The following CHPT1 variants were observed in gnomAD, a reference collection of about 807,000 sequenced individuals.
CHPT1 encodes cholinephosphotransferase 1.
CHPT1 carries 36 observed loss-of-function variants against 47.6 expected under a neutral mutation model. The observed-to-expected ratio is 0.76, with a 90% CI of 0.58 to 1.00. The LOEUF (loss-of-function observed/expected upper bound fraction) is 1.00. CHPT1 is among the 50% of genes least tolerant of loss of function. CHPT1 has a pLI of 0.00. For missense variants in CHPT1, 458 were observed against 498.1 expected (o/e 0.92, Z 0.77); for synonymous variants, 194 against 186.3 (o/e 1.04, Z -0.33).
chr12:101,724,982 G>A (rs1951918056), intron 7 of CHPT1, among the ~76,000 whole-genome samples: 1 of 151,924 alleles, frequency 6.6e-6, no homozygotes, highest in Non-Finnish European at 1.5e-5. Context: ...CCCACTGGTT[G>A]TCACCAAATT....
chr12:101,707,848 C>T (rs7980436), intron 1 of CHPT1, among the ~76,000 whole-genome samples: 20,996 of 152,102 alleles, frequency 0.14, 1,829 homozygotes, highest in African/African-American at 0.25. Flanking sequence ...TCTCTCACCT[C>T]AATCTTTCTC....
intron 1 of CHPT1, among the ~76,000 whole-genome samples, chr12:101,712,846 C>A (rs1049890795): frequency 6.7e-6 from 1 of 148,604 alleles, no homozygotes; most frequent in African/African-American, 2.4e-5. Flanking sequence ...TCTGCTAATT[C>A]TATTACTTCT....
chr12:101,702,652 T>TA (rs1951570876), intron 1 of CHPT1, among the ~76,000 whole-genome samples: 1 of 152,036 alleles, frequency 6.6e-6, no homozygotes, highest in Non-Finnish European at 1.5e-5. Flanking sequence ...GACTTTTTTT[T>TA]ATAGGTTTGA....
At chr12:101,699,817 G>C (rs902060512) in intron 1 of CHPT1, among the ~76,000 whole-genome samples, 2 of 152,208 alleles carry the variant, frequency 1.3e-5, no homozygotes, top group African/African-American at 4.8e-5. Context: ...ATTTACCAGA[G>C]GGAGTGTGTT....
chr12:101,717,282 G>A (rs1204312408), intron 4 of CHPT1: 1 of 454,908 alleles, frequency 2.2e-6, no homozygotes. Flanking sequence ...CTGCCTGCTT[G>A]GTGACCTCAG....
intron 1 of CHPT1, among the ~76,000 whole-genome samples, chr12:101,708,574 T>G (rs981978667): frequency 6.6e-6 from 1 of 152,154 alleles, no homozygotes; most frequent in Admixed American, 6.5e-5. Context: ...ACAGTAGATA[T>G]TATGAAAACT....
At chr12:101,699,630 C>T (rs543328170) in intron 1 of CHPT1, among the ~76,000 whole-genome samples, 4 of 152,246 alleles carry the variant, frequency 2.6e-5, no homozygotes, top group African/African-American at 4.8e-5. Context: ...TCAAGTGATC[C>T]GCCTGCCTCG....
In CHPT1 at chr12:101,697,893, C is replaced by A. The variant is rs751187599; in HGVS notation, c.32C>A (p.Pro11Gln). ...GCAGGCGCCGGGGCCGGGTCCGCGC[C>A]GCGCTGGCTGAGGGCGCTGAGCGAG... MAAGAGAGSA[P>Q]RWLRALSEPL... The change falls in exon 1 of 9, where the codon CCG (proline) becomes CAG (glutamine). Residue 11 changes from proline to glutamine, a missense_variant. Coordinates refer to ENST00000229266, the MANE Select transcript of CHPT1 (RefSeq NM_020244.3). The A allele has an allele frequency of 6.8e-5, 86 of 1,258,418 alleles. No individual in the cohort carries two copies. The African/African-American group carries it at 1.2e-3, about 18-fold the overall frequency. The allele number at this position is 1,258,418 out of a possible 1,614,324, so 78.0% of individuals were successfully genotyped here.
At chr12:101,709,892 C>T (rs1014945639) in intron 1 of CHPT1, among the ~76,000 whole-genome samples, 2 of 148,648 alleles carry the variant, frequency 1.3e-5, no homozygotes, top group African/African-American at 2.4e-5. Context: ...AAGGGCAAGT[C>T]GGAAGACCCG....
At chr12:101,714,001 G>A (rs949432158) in intron 1 of CHPT1, 89 bp from the exon 2 acceptor site, 4 of 735,736 alleles carry the variant, frequency 5.4e-6, no homozygotes, top group Non-Finnish European at 6.7e-6. Flanking sequence ...AACACACGGG[G>A]TGCTACAAAG....
intron 1 of CHPT1, among the ~76,000 whole-genome samples, chr12:101,698,809 A>C (rs1184871670): frequency 1.3e-5 from 2 of 152,194 alleles, no homozygotes; most frequent in East Asian, 3.9e-4. Context: ...ATAAGGAGTA[A>C]ATATAGGCTT....
In CHPT1 at chr12:101,714,194, T is replaced by C. The variant is rs1233053108; in HGVS notation, c.378T>C (p.Pro126=). The C allele has an allele frequency of 6.2e-7, 1 of 1,611,852 alleles. No individual in the cohort carries two copies. Among genetic ancestry groups the C allele is most frequent in the Non-Finnish European group, 8.5e-7 (1 of 1,179,074 alleles). ...KQARRTNSCS[P]LGELFDHGCD... The stretch of plus-strand genomic sequence containing the variant: ...CCAGAAGAACAAACTCTTGTTCCCC[T>C]TTAGGGGAGCTCTTTGACCATGGCT... Residue 126 remains proline (P), a synonymous_variant, in exon 2 of 9, where the codon CCT becomes CCC. Coordinates refer to ENST00000229266, the MANE Select transcript of CHPT1 (RefSeq NM_020244.3).
At chr12:101,717,320 G>A in intron 4 of CHPT1, 1 of 453,376 alleles carries the variant, frequency 2.2e-6, no homozygotes, top group Non-Finnish European at 4.4e-6. Context: ...GCTCTTAGGA[G>A]GCCACTGTCA....
chr12:101,710,625 G>C (rs1386497687), intron 1 of CHPT1, among the ~76,000 whole-genome samples: 1 of 148,624 alleles, frequency 6.7e-6, no homozygotes, highest in Non-Finnish European at 1.5e-5. Flanking sequence ...TCTAAATTAA[G>C]AGCGGGATAT....
chr12:101,716,666 A>G, intron 3 of CHPT1, 62 bp from the exon 4 acceptor site: 1 of 989,010 alleles, frequency 1.0e-6, no homozygotes, highest in Non-Finnish European at 1.5e-6. Flanking sequence ...TATGTGATGA[A>G]CCTCCATATT....
intron 8 of CHPT1, 53 bp downstream of exon 8, chr12:101,726,457 T>C (rs761984294): frequency 6.3e-7 from 1 of 1,598,282 alleles, no homozygotes; most frequent in South Asian, 1.1e-5. Flanking sequence ...GAGATGAAGT[T>C]AGGGGAATCT....
chr12:101,705,829 G>A (rs1442859783), intron 1 of CHPT1, among the ~76,000 whole-genome samples: 1 of 145,354 alleles, frequency 6.9e-6, no homozygotes, highest in Non-Finnish European at 1.5e-5. Context: ...GTCCTCAAGT[G>A]ATCCTCCCCC....
chr12:101,709,481 A>G lies in CHPT1; in HGVS notation c.274-4609A>G, dbSNP rs111518072. On this transcript the variant is annotated intron_variant, in intron 1 of 8. Coordinates refer to ENST00000229266, the MANE Select transcript of CHPT1 (RefSeq NM_020244.3). ...GAAGTTGTTCTGCTGTGCCTGGCCA[A>G]ATAAATCCCAGCCTGTTTGCAGGGA... 4.2e-4 allele frequency among the ~76,000 whole-genome samples: 62 copies of G among 148,476 alleles called. 1 individual carries two copies. The highest frequency in any genetic ancestry group is 1.5e-3 in the African/African-American group (61 of 41,178).
intron 5 of CHPT1, 77 bp downstream of exon 5, chr12:101,720,331 A>T (rs1951830253): frequency 7.9e-7 from 1 of 1,260,978 alleles, no homozygotes; most frequent in South Asian, 1.4e-5. Flanking sequence ...AGATTAAAAT[A>T]TGCCAAAGTT....
Sources: allele counts gnomAD v4.1 joint callset (sites outside exome capture counted in the v4.1 genomes callset), GRCh38; gene constraint gnomAD v4.1.1; transcripts MANE v1.5; gene names NCBI Gene and HGNC (gene_info 2026-07-23, HGNC 2026-07-21).